Variants in RGS6 observed in about 807,000 individuals in gnomAD.
RGS6 encodes regulator of G-protein signaling 6.
In RGS6, 30 loss-of-function variants were observed where a neutral mutation model predicts 78.5. The observed-to-expected ratio is 0.38, with a 90% CI of 0.29 to 0.52. The LOEUF is 0.52. Among genes scored for constraint, RGS6 ranks in the 20% least tolerant of loss-of-function variants. RGS6 has a pLI of 0.85. For missense variants in RGS6, 495 were observed against 609.7 expected (o/e 0.81, Z 1.98); for synonymous variants, 206 against 206.0 (o/e 1.00, Z 0.00).
intron 2 of RGS6, among the ~76,000 whole-genome samples, chr14:72,301,579 G>A (rs1353537835): frequency 1.3e-5 from 2 of 152,088 alleles, no homozygotes; most frequent in African/African-American, 2.4e-5. Context: ...CTGTCACAAC[G>A]AAGTACCACA....
chr14:72,574,687 T>C, the RGS6 span, among the ~76,000 whole-genome samples: 1 of 152,238 alleles, frequency 6.6e-6, no homozygotes, highest in Non-Finnish European at 1.5e-5. Flanking sequence ...AAGAGGGGCA[T>C]AGGAACAAAT....
intron 17 of RGS6, among the ~76,000 whole-genome samples, chr14:72,554,898 GTC>G (rs1201852609): frequency 1.3e-5 from 2 of 152,312 alleles, no homozygotes; most frequent in East Asian, 3.9e-4. Context: ...CTGAGTCCTT[GTC>G]TCTCCCACCA....
Position 72,562,162 on chromosome 14 carries a change from A to G in RGS6, c.1423-255A>G, listed in dbSNP as rs140234881. On this transcript the variant is annotated intron_variant, in intron 17 of 17. Transcript: ENST00000553525. ...GTAAGTAAAATTCCCATACCACAAA[A>G]AGAGTACCAACAACACACCCTCATA... Among the ~76,000 whole-genome samples, 270 of 152,314 alleles carry G rather than the reference A, an allele frequency of 1.8e-3. 2 individuals carry two copies. The Middle Eastern group carries it at 0.034, about 19-fold the overall frequency.
intron 13 of RGS6, among the ~76,000 whole-genome samples, chr14:72,498,564 T>A (rs1176033092): frequency 6.6e-6 from 1 of 152,190 alleles, no homozygotes; most frequent in East Asian, 1.9e-4. Context: ...CCCCACATTT[T>A]TTTTTAAATC....
chr14:72,531,159 G>C (rs763519292), intron 15 of RGS6, among the ~76,000 whole-genome samples: 1 of 152,196 alleles, frequency 6.6e-6, no homozygotes, highest in African/African-American at 2.4e-5. Context: ...GAGGCTGGGC[G>C]CGGTGGCTCA....
chr14:71,891,371 T>C, the RGS6 span, among the ~76,000 whole-genome samples: 1 of 152,176 alleles, frequency 6.6e-6, no homozygotes, highest in African/African-American at 2.4e-5. Context: ...GCTCCTCCCA[T>C]GGCTGGCAGT....
chr14:72,256,885 C>T lies in RGS6; in HGVS notation c.85-95210C>T, dbSNP rs149379134. The stretch of plus-strand genomic sequence containing the variant: ...TTCATTTGAATTCAACAAATAACTA[C>T]AGACAGCTGTCAACTTAGTGATGTT... On this transcript the variant is annotated intron_variant, in intron 2 of 17. Coordinates refer to ENST00000553525, the MANE Select transcript of RGS6 (RefSeq NM_001204424.2). 3.9e-5 allele frequency among the ~76,000 whole-genome samples: 6 copies of T among 152,320 alleles called. No individual in the cohort carries two copies. In the East Asian group the frequency reaches 1.2e-3, roughly 29 times the overall value.
At chr14:72,347,209 G>T (rs1349882539) in intron 2 of RGS6, among the ~76,000 whole-genome samples, 1 of 152,172 alleles carries the variant, frequency 6.6e-6, no homozygotes. Context: ...AGGAACAAAA[G>T]ATGTCAGAAG....
At chr14:72,269,330 G>A (rs847342) in intron 2 of RGS6, among the ~76,000 whole-genome samples, 123,364 of 152,136 alleles carry the variant, frequency 0.81, 50,435 homozygotes, top group Non-Finnish European at 0.87. Context: ...AGATAAAAGC[G>A]GAAGTCCTTA....
intron 3 of RGS6, among the ~76,000 whole-genome samples, chr14:72,447,657 T>G: frequency 6.6e-6 from 1 of 152,084 alleles, no homozygotes; most frequent in Non-Finnish European, 1.5e-5. Context: ...TCTGCATGGG[T>G]TCATTACCCC....
intron 2 of RGS6, among the ~76,000 whole-genome samples, chr14:72,041,225 G>C (rs2092373348): frequency 6.6e-6 from 1 of 152,192 alleles, no homozygotes; most frequent in South Asian, 2.1e-4. Flanking sequence ...GACTGGCTTT[G>C]TGTAGGGGAA....
rs189642636 is a variant in RGS6 at position 72,076,808 on chromosome 14, A to G, written c.84+111933A>G. 1.1e-4 allele frequency among the ~76,000 whole-genome samples: 16 copies of G among 152,262 alleles called. No homozygotes were observed. In the East Asian group the frequency reaches 2.7e-3, roughly 26 times the overall value. ...CAGCCTCCCAAAGTATTGGGATTAT[A>G]GGTGTGAACCACTGGGCCTGGCCTA... On this transcript the variant is annotated intron_variant, in intron 2 of 17. Transcript: ENST00000553525.
intron 3 of RGS6, among the ~76,000 whole-genome samples, chr14:72,357,631 G>C (rs1334134949): frequency 7.9e-5 from 12 of 152,202 alleles, no homozygotes; most frequent in Admixed American, 7.9e-4. Context: ...ACTTGAGAGA[G>C]ATGATTTAGG....
intron 2 of RGS6, among the ~76,000 whole-genome samples, chr14:72,305,265 A>G (rs1228772874): frequency 1.3e-5 from 2 of 152,120 alleles, no homozygotes; most frequent in Non-Finnish European, 2.9e-5. Context: ...TTTGTATTTT[A>G]TGTTATCACA....
chr14:72,160,838 A>C (rs937407587), intron 2 of RGS6, among the ~76,000 whole-genome samples: 1 of 152,212 alleles, frequency 6.6e-6, no homozygotes, highest in African/African-American at 2.4e-5. Context: ...TCTGTTGCTT[A>C]AGTCACACAG....
At chr14:72,044,899 A>T (rs1490825037) in intron 2 of RGS6, among the ~76,000 whole-genome samples, 1 of 152,092 alleles carries the variant, frequency 6.6e-6, no homozygotes, top group African/African-American at 2.4e-5. Flanking sequence ...CAAACTAACA[A>T]AAAAACCCAA....
chr14:72,341,487 T>G (rs2076983247), intron 2 of RGS6, among the ~76,000 whole-genome samples: 5 of 152,180 alleles, frequency 3.3e-5, no homozygotes, highest in Non-Finnish European at 7.3e-5. Context: ...ATATCAAGTT[T>G]CCTGGAGGAA....
intron 3 of RGS6, among the ~76,000 whole-genome samples, chr14:72,381,148 G>T (rs1034940649): frequency 6.6e-6 from 1 of 152,024 alleles, no homozygotes; most frequent in African/African-American, 2.4e-5. Context: ...TAGAGCAGAG[G>T]ATACTAGAGG....
At chr14:72,109,689 A>G (rs779949975) in intron 2 of RGS6, among the ~76,000 whole-genome samples, 6 of 152,330 alleles carry the variant, frequency 3.9e-5, no homozygotes, top group East Asian at 1.9e-4. Context: ...GACTTACAGT[A>G]TATACACTTT....
Sources: gnomAD v4.1 joint callset for allele counts (sites outside exome capture counted in the v4.1 genomes callset) on GRCh38, gnomAD v4.1.1 for gene constraint, MANE v1.5 for transcripts, NCBI Gene and HGNC (gene_info 2026-07-23, HGNC 2026-07-21) for gene names.